KLF12: variants seen among roughly 807,000 people sequenced by gnomAD.
KLF12 encodes the protein Krueppel-like factor 12.
A neutral mutation model predicts 37.8 loss-of-function variants in KLF12; 9 were observed. That is an observed-to-expected ratio of 0.24 (90% CI 0.14 to 0.42). The LOEUF (loss-of-function observed/expected upper bound fraction) is 0.42, where lower values mean the gene tolerates loss of function less well. Among genes scored for constraint, KLF12 ranks in the 10% least tolerant of loss-of-function variants. The pLI, the probability that KLF12 is intolerant of heterozygous loss-of-function variation, is 1.00. For synonymous variants in KLF12, 208 were observed against 202.1 expected, an observed-to-expected ratio of 1.03 and a Z score of -0.25; for missense variants, 411 against 516.0, an observed-to-expected ratio of 0.80 and a Z score of 1.97.
chr13:73,913,846 C>T (rs1393182872), intron 3 of KLF12, among the ~76,000 whole-genome samples: 7 of 152,004 alleles, frequency 4.6e-5, no homozygotes, highest in Admixed American at 2.0e-4. Context: ...TAGCATGGGC[C>T]AAATTTCTAA....
intron 1 of KLF12, among the ~76,000 whole-genome samples, chr13:73,998,210 A>G (rs940422786): frequency 2.0e-5 from 3 of 152,222 alleles, no homozygotes; most frequent in African/African-American, 7.2e-5. Flanking sequence ...TACAGGCATT[A>G]TATTATACTA....
chr13:74,130,534 G>A (rs1878202003), intron 1 of KLF12, among the ~76,000 whole-genome samples: 1 of 151,828 alleles, frequency 6.6e-6, no homozygotes, highest in Non-Finnish European at 1.5e-5. Context: ...GTGTGCACCT[G>A]TAGTCCTGCC....
At chr13:74,160,659 A>C in the KLF12 span, among the ~76,000 whole-genome samples, 1 of 152,252 alleles carries the variant, frequency 6.6e-6, no homozygotes, top group South Asian at 2.1e-4. Flanking sequence ...AAAGAGTTCA[A>C]CTCCTTAAGA....
chr13:73,915,346 G>A (rs1385040738), intron 3 of KLF12, among the ~76,000 whole-genome samples: 1 of 152,134 alleles, frequency 6.6e-6, no homozygotes, highest in Admixed American at 6.5e-5. Context: ...CCAGAGATTA[G>A]GACATGGATA....
the KLF12 span, among the ~76,000 whole-genome samples, chr13:74,221,112 C>T: frequency 1.3e-5 from 2 of 151,528 alleles, no homozygotes; most frequent in East Asian, 2.0e-4. Flanking sequence ...TCACGCCATT[C>T]TCCTGCCTCA....
At chr13:73,979,282 T>C (rs946121554) in intron 2 of KLF12, among the ~76,000 whole-genome samples, 4 of 151,760 alleles carry the variant, frequency 2.6e-5, no homozygotes, top group Admixed American at 2.0e-4. Flanking sequence ...GAGGCAATTA[T>C]GGGAAATTTC....
chr13:73,828,004 A>C (rs1279697288), intron 4 of KLF12, among the ~76,000 whole-genome samples: 1 of 152,016 alleles, frequency 6.6e-6, no homozygotes, highest in African/African-American at 2.4e-5. Context: ...TATATTCTTT[A>C]TGAGTCTTAT....
At chr13:73,995,407 TA>T (rs951141494) in intron 1 of KLF12, among the ~76,000 whole-genome samples, 13 of 152,278 alleles carry the variant, frequency 8.5e-5, no homozygotes, top group Middle Eastern at 3.4e-3. Flanking sequence ...AAAAGGTTTA[TA>T]AGTAAATTTC....
the KLF12 span, among the ~76,000 whole-genome samples, chr13:74,291,289 T>C: frequency 1.3e-5 from 2 of 152,196 alleles, no homozygotes; most frequent in Non-Finnish European, 2.9e-5. Context: ...GTTAGATAAA[T>C]CAGTTGTGCA....
the KLF12 span, among the ~76,000 whole-genome samples, chr13:74,194,198 G>T: frequency 6.6e-5 from 10 of 152,088 alleles, no homozygotes; most frequent in Non-Finnish European, 1.5e-4. Flanking sequence ...TTGTTTTCTG[G>T]GGTGGTGGTG....
intron 2 of KLF12, among the ~76,000 whole-genome samples, chr13:73,981,617 A>G (rs1438436633): frequency 1.3e-5 from 2 of 152,204 alleles, no homozygotes; most frequent in Non-Finnish European, 2.9e-5. Context: ...GGAAATTATA[A>G]TACAAAATTC....
chr13:73,897,509 C>G (rs1166364401), intron 3 of KLF12, among the ~76,000 whole-genome samples: 1 of 152,032 alleles, frequency 6.6e-6, no homozygotes, highest in Non-Finnish European at 1.5e-5. Context: ...AGACCAATAC[C>G]AAACGACGTG....
chr13:73,760,212 A>G (rs1015498154), intron 6 of KLF12, among the ~76,000 whole-genome samples: 1 of 152,182 alleles, frequency 6.6e-6, no homozygotes, highest in African/African-American at 2.4e-5. Flanking sequence ...ATAGCTACAT[A>G]AAATCTTAGG....
chr13:73,909,252 T>C (rs1888459824), intron 3 of KLF12, among the ~76,000 whole-genome samples: 1 of 152,198 alleles, frequency 6.6e-6, no homozygotes, highest in Non-Finnish European at 1.5e-5. Context: ...ATACTACCAG[T>C]GGCCGAGCAT....
At chr13:74,214,245 C>T in the KLF12 span, among the ~76,000 whole-genome samples, 1 of 148,616 alleles carries the variant, frequency 6.7e-6, no homozygotes, top group African/African-American at 2.5e-5. Context: ...TTCTGCCCCT[C>T]CCCAGCCCAC....
At chr13:74,175,205 G>C in the KLF12 span, among the ~76,000 whole-genome samples, 1 of 152,166 alleles carries the variant, frequency 6.6e-6, no homozygotes, top group African/African-American at 2.4e-5. Flanking sequence ...GCTGAGCCTA[G>C]GTCTTGAACA....
At chr13:73,988,392 C>G (rs960733958) in intron 2 of KLF12, among the ~76,000 whole-genome samples, 2 of 152,170 alleles carry the variant, frequency 1.3e-5, no homozygotes, top group African/African-American at 4.8e-5. Flanking sequence ...AACTTATCTG[C>G]CCATCTCTGA....
chr13:73,694,111 G>A lies in KLF12; in HGVS notation c.*1379C>T, dbSNP rs377104465. ...TCGGTATAGAAGAACCTATTGGAGA[G>A]TCACTTATCCTTGGCTCTCCAAGAG... On this transcript the variant is annotated 3_prime_UTR_variant, in exon 8 of 8. Transcript: ENST00000377669. 1 of 152,564 alleles carries A rather than the reference G, an allele frequency of 6.6e-6. No homozygotes were observed. 9.5% of individuals were successfully genotyped at this position (152,564 alleles called of 1,614,324 possible).
the KLF12 span, among the ~76,000 whole-genome samples, chr13:74,295,139 T>G: frequency 6.6e-6 from 1 of 152,214 alleles, no homozygotes; most frequent in African/African-American, 2.4e-5. Context: ...CTGGTAGTGT[T>G]GTCATGATTT....
Sources: allele counts gnomAD v4.1 joint callset (sites outside exome capture counted in the v4.1 genomes callset), GRCh38; gene constraint gnomAD v4.1.1; transcripts MANE v1.5; gene names NCBI Gene and HGNC (gene_info 2026-07-23, HGNC 2026-07-21).